PTPRM: variants seen among roughly 807,000 people sequenced by gnomAD.
PTPRM encodes protein tyrosine phosphatase receptor type M.
PTPRM carries 47 observed loss-of-function variants against 186.7 expected under a neutral mutation model. That is an observed-to-expected ratio of 0.25 (90% CI 0.20 to 0.32). The LOEUF (loss-of-function observed/expected upper bound fraction) is 0.32, where lower values mean the gene tolerates loss of function less well. Among genes scored for constraint, PTPRM ranks in the 10% least tolerant of loss-of-function variants. The probability of loss-of-function intolerance (pLI) is 1.00; values close to 1 mark genes in which losing one functional copy is unlikely to be tolerated. For missense variants in PTPRM, 1,494 were observed against 1,865.0 expected (o/e 0.80, Z 3.66); for synonymous variants, 668 against 674.9 (o/e 0.99, Z 0.16).
At chr18:8,095,775 C>A (rs1028126353) in intron 11 of PTPRM, among the ~76,000 whole-genome samples, 2 of 151,896 alleles carry the variant, frequency 1.3e-5, no homozygotes, top group African/African-American at 4.8e-5. Context: ...AACACTTAGT[C>A]CTTTTTAGAA....
intron 19 of PTPRM, among the ~76,000 whole-genome samples, chr18:8,284,605 C>T (rs2094936802): frequency 6.6e-6 from 1 of 152,100 alleles, no homozygotes; most frequent in Admixed American, 6.5e-5. Context: ...AAAAAATTAG[C>T]TAGGTATAGT....
At chr18:7,775,490 T>C (rs532448715) in intron 2 of PTPRM, among the ~76,000 whole-genome samples, 46 of 152,284 alleles carry the variant, frequency 3.0e-4, no homozygotes, top group Non-Finnish European at 5.3e-4. Flanking sequence ...GTGCTCCTCC[T>C]GTGGGGCCGT....
At chr18:8,160,333 G>T (rs1348303537) in intron 14 of PTPRM, among the ~76,000 whole-genome samples, 1 of 152,062 alleles carries the variant, frequency 6.6e-6, no homozygotes, top group Non-Finnish European at 1.5e-5. Context: ...TGTTAACCAG[G>T]CTGGAGCACA....
intron 1 of PTPRM, among the ~76,000 whole-genome samples, chr18:7,702,581 T>G (rs1204878433): frequency 6.6e-6 from 1 of 152,240 alleles, no homozygotes; most frequent in Non-Finnish European, 1.5e-5. Flanking sequence ...TTGTTTAAGA[T>G]TCTGGATATT....
chr18:8,151,525 A>T (rs1333422991), intron 14 of PTPRM, among the ~76,000 whole-genome samples: 1 of 116,944 alleles, frequency 8.6e-6, no homozygotes, highest in African/African-American at 3.3e-5. Context: ...ATCTCAGACT[A>T]CTGCTGTGCT....
intron 8 of PTPRM, among the ~76,000 whole-genome samples, chr18:8,071,625 T>A (rs547691335): frequency 6.6e-6 from 1 of 152,316 alleles, no homozygotes; most frequent in South Asian, 2.1e-4. Flanking sequence ...CACAGCATCT[T>A]GTTCTGCAAA....
intron 23 of PTPRM, among the ~76,000 whole-genome samples, chr18:8,351,355 A>AT (rs1322156779): frequency 6.6e-6 from 1 of 152,170 alleles, no homozygotes; most frequent in African/African-American, 2.4e-5. Flanking sequence ...TGAGCCCCAG[A>AT]TTCGTCATCT....
At chr18:8,038,794 T>C (rs1363625660) in intron 7 of PTPRM, among the ~76,000 whole-genome samples, 9 of 152,184 alleles carry the variant, frequency 5.9e-5, no homozygotes. Flanking sequence ...TTGATTGTTA[T>C]TATGCAAGTC....
chr18:8,381,209 G>T (rs1481527136), intron 29 of PTPRM, among the ~76,000 whole-genome samples: 1 of 152,062 alleles, frequency 6.6e-6, no homozygotes, highest in Non-Finnish European at 1.5e-5. Flanking sequence ...TTTAGGAGAT[G>T]AATTTATTGC....
chr18:8,344,454 A>G (rs1374811949), intron 23 of PTPRM, among the ~76,000 whole-genome samples: 39 of 69,930 alleles, frequency 5.6e-4, no homozygotes, highest in African/African-American at 1.0e-3. Flanking sequence ...GTGTGTATAT[A>G]TATATATATA....
intron 1 of PTPRM, among the ~76,000 whole-genome samples, chr18:7,660,335 C>CAAA (rs5822977): frequency 6.8e-6 from 1 of 147,028 alleles, no homozygotes; most frequent in Non-Finnish European, 1.5e-5. Context: ...GACAATTTCT[C>CAAA]AAAAAAAAAA....
chr18:8,288,599 G>A (rs1026459340), intron 19 of PTPRM, among the ~76,000 whole-genome samples: 4 of 152,166 alleles, frequency 2.6e-5, no homozygotes, highest in African/African-American at 9.7e-5. Flanking sequence ...CCTTGTCCAA[G>A]GAATGTTCAG....
chr18:8,146,768 G>C (rs961603671), intron 14 of PTPRM, among the ~76,000 whole-genome samples: 1 of 152,122 alleles, frequency 6.6e-6, no homozygotes, highest in Non-Finnish European at 1.5e-5. Flanking sequence ...TTTTCTTCTA[G>C]GATTTTTGTG....
chr18:8,228,677 TAAA>T (rs55669801), intron 14 of PTPRM, among the ~76,000 whole-genome samples: 108 of 130,606 alleles, frequency 8.3e-4, no homozygotes, highest in South Asian at 2.1e-3. Context: ...CAAACTCTAC[TAAA>T]AAAAAAAAAA....
intron 22 of PTPRM, among the ~76,000 whole-genome samples, chr18:8,324,689 A>G (rs577201313): frequency 2.3e-4 from 35 of 152,214 alleles, no homozygotes; most frequent in Admixed American, 7.9e-4. Flanking sequence ...TACAGAGCTC[A>G]TTTCATCTTT....
In PTPRM at chr18:8,125,998, TATATATATATATATATATATATA is replaced by T. The variant is rs1456930365; in HGVS notation, c.2167+11172_2167+11194del. The stretch of plus-strand genomic sequence containing the variant: ...ATACATATATATATATATATATATA[TATATATATATATATATATATATA>T]TATATATTTTAAATCAGTAGACCTT... On this transcript the variant is annotated intron_variant, in intron 13 of 32. Coordinates refer to ENST00000580170, the MANE Select transcript of PTPRM (RefSeq NM_001105244.2). Among the ~76,000 whole-genome samples, 13 of 14,934 alleles carry T rather than the reference TATATATATATATATATATATATA, an allele frequency of 8.7e-4. 1 individual carries two copies. The highest frequency in any genetic ancestry group is 3.3e-3 in the Admixed American group (3 of 896). 9.8% of individuals were successfully genotyped at this position (14,934 alleles called of 152,430 possible).
chr18:8,083,724 A>C (rs2090278378), intron 9 of PTPRM, among the ~76,000 whole-genome samples: 1 of 152,126 alleles, frequency 6.6e-6, no homozygotes, highest in Non-Finnish European at 1.5e-5. Flanking sequence ...TCAATGTTTG[A>C]ATAAAGTAAA....
At chr18:7,915,516 T>A (rs2050505959) in intron 4 of PTPRM, among the ~76,000 whole-genome samples, 1 of 152,200 alleles carries the variant, frequency 6.6e-6, no homozygotes, top group South Asian at 2.1e-4. Context: ...CTTGGGCTCT[T>A]TTCCAGGTTC....
At chr18:8,354,357 G>T (rs752746919) in intron 23 of PTPRM, among the ~76,000 whole-genome samples, 3 of 152,156 alleles carry the variant, frequency 2.0e-5, no homozygotes, top group African/African-American at 4.8e-5. Flanking sequence ...GAACAGCTGG[G>T]ATGGAGTCTG....
Sources: allele counts gnomAD v4.1 joint callset (sites outside exome capture counted in the v4.1 genomes callset), GRCh38; gene constraint gnomAD v4.1.1; transcripts MANE v1.5; gene names NCBI Gene and HGNC (gene_info 2026-07-23, HGNC 2026-07-21).